EFR3B: variants seen among roughly 807,000 people sequenced by gnomAD.
The protein encoded by EFR3B is EFR3 homolog B.
EFR3B carries 64 observed loss-of-function variants against 104.7 expected under a neutral mutation model. That is an observed-to-expected ratio of 0.61 (90% CI 0.50 to 0.75). The LOEUF (loss-of-function observed/expected upper bound fraction) is 0.75, where lower values mean the gene tolerates loss of function less well. Ranked by LOEUF, EFR3B falls within the 30% of genes least tolerant of loss-of-function variation. The pLI, the probability that EFR3B is intolerant of heterozygous loss-of-function variation, is 0.00. For synonymous variants in EFR3B, 385 were observed against 417.9 expected, an observed-to-expected ratio of 0.92 and a Z score of 0.96; for missense variants, 750 against 1,078.5, an observed-to-expected ratio of 0.70 and a Z score of 4.27.
chr2:25,078,805 A>G lies in EFR3B; in HGVS notation c.8-12520A>G, dbSNP rs1472560022. Among the ~76,000 whole-genome samples, 10 of 152,332 alleles carry G rather than the reference A, an allele frequency of 6.6e-5. No individual in the cohort carries two copies. The East Asian group carries it at 1.9e-3, about 29-fold the overall frequency. ...TGCCTGTGGTCGGAGAGTGTTGTTC[A>G]TGGAAGGCTTCCAGGGAGCTCAGCA... On this transcript the variant is annotated intron_variant, in intron 1 of 22. Coordinates refer to ENST00000403714, the MANE Select transcript of EFR3B (RefSeq NM_014971.2).
chr2:25,095,144 T>C (rs567605091), intron 3 of EFR3B, among the ~76,000 whole-genome samples: 258 of 152,316 alleles, frequency 1.7e-3, no homozygotes, highest in Admixed American at 2.9e-3. Context: ...ATGTTCGTTA[T>C]CTTGTTATTT....
chr2:25,105,286 G>T (rs900890082), intron 4 of EFR3B, among the ~76,000 whole-genome samples: 1 of 152,142 alleles, frequency 6.6e-6, no homozygotes, highest in Non-Finnish European at 1.5e-5. Context: ...CCAAGTAGCT[G>T]GGATTATAGG....
At chr2:25,068,930 CT>C (rs571830012) in intron 1 of EFR3B, among the ~76,000 whole-genome samples, 1,112 of 80,990 alleles carry the variant, frequency 0.014, 11 homozygotes, top group Admixed American at 0.036. Flanking sequence ...CGCCCGGCAT[CT>C]TTTTTTTTTT....
chr2:25,138,357 C>A (rs180734120), intron 15 of EFR3B, among the ~76,000 whole-genome samples: 21 of 152,288 alleles, frequency 1.4e-4, no homozygotes, highest in African/African-American at 4.3e-4. Context: ...TGGCACCGGA[C>A]AGGGCTTGAG....
chr2:25,081,585 A>G (rs948556385), intron 1 of EFR3B: 9 of 861,832 alleles, frequency 1.0e-5, no homozygotes, highest in South Asian at 4.0e-5. Flanking sequence ...TCAACAATCC[A>G]TAACTTCCTA....
At chr2:25,126,352 C>G (rs1392834729) in intron 5 of EFR3B, among the ~76,000 whole-genome samples, 1 of 151,786 alleles carries the variant, frequency 6.6e-6, no homozygotes, top group African/African-American at 2.4e-5. Flanking sequence ...CCATACCTGG[C>G]TAATTTCTTT....
chr2:25,083,568 G>A (rs1361709277), intron 1 of EFR3B, among the ~76,000 whole-genome samples: 1 of 152,116 alleles, frequency 6.6e-6, no homozygotes, highest in African/African-American at 2.4e-5. Flanking sequence ...AGGGGTGCTT[G>A]TGGGTTCCCA....
intron 4 of EFR3B, among the ~76,000 whole-genome samples, chr2:25,113,636 C>T (rs1423117472): frequency 2.0e-5 from 3 of 149,508 alleles, no homozygotes; most frequent in Non-Finnish European, 4.4e-5. Flanking sequence ...CCACTGCACT[C>T]CAGCCTGGAC....
At position 25,131,376 on chromosome 2, in the gene EFR3B, C is replaced by T; in HGVS notation, c.858C>T (p.His286=). 3.2e-6 allele frequency: 5 copies of T among 1,550,844 alleles called. No homozygotes were observed. Among genetic ancestry groups the T allele is most frequent in the Non-Finnish European group, 3.5e-6 (4 of 1,146,800 alleles). ...TCATCTTCCTCCCGCAGCCGCAGCA[C>T]TCACACCTGGTCATCCAGCAGCTCC... ...KIIMYSIQPQ[H]SHLVIQQLLG... Residue 286 remains histidine (H), a synonymous_variant, in exon 9 of 23, where the codon CAC becomes CAT. Coordinates refer to ENST00000403714, the MANE Select transcript of EFR3B (RefSeq NM_014971.2). The surrounding 1 kb of genome is among the most constrained non-coding windows in gnomAD (Gnocchi z 7.6).
chr2:25,064,143 C>T lies in EFR3B; in HGVS notation c.7+21824C>T, dbSNP rs1047011187. Among the ~76,000 whole-genome samples the T allele has an allele frequency of 1.1e-4, 16 of 152,216 alleles. No individual in the cohort carries two copies. In the East Asian group the frequency reaches 3.1e-3, roughly 29 times the overall value. Reference sequence around the variant, plus strand: ...TTGCTTCTGAAATTTCTCTTTGGCACCGTGACCACCCTGGCCCTGGCTCTA... The same window carrying T: ...TTGCTTCTGAAATTTCTCTTTGGCATCGTGACCACCCTGGCCCTGGCTCTA... On this transcript the variant is annotated intron_variant, in intron 1 of 22. Coordinates refer to ENST00000403714, the MANE Select transcript of EFR3B (RefSeq NM_014971.2).
chr2:25,112,737 C>G (rs760017235), intron 4 of EFR3B, among the ~76,000 whole-genome samples: 10 of 152,184 alleles, frequency 6.6e-5, no homozygotes, highest in Non-Finnish European at 8.8e-5. Flanking sequence ...TCTAGTGAAG[C>G]AAAGAAGCAG....
chr2:25,067,849 T>C, intron 1 of EFR3B, among the ~76,000 whole-genome samples: 1 of 151,988 alleles, frequency 6.6e-6, no homozygotes, highest in East Asian at 1.9e-4. Flanking sequence ...TTTTTTTCTT[T>C]TGGAAAAAAA....
intron 19 of EFR3B, 139 bp from the exon 20 acceptor site, chr2:25,149,555 T>C: frequency 1.3e-6 from 1 of 786,648 alleles, no homozygotes; most frequent in Non-Finnish European, 2.1e-6. Flanking sequence ...CTGAGGGGGG[T>C]GGGGGTGTCC....
intron 1 of EFR3B, among the ~76,000 whole-genome samples, chr2:25,069,887 C>T (rs1465564477): frequency 1.3e-5 from 2 of 151,982 alleles, no homozygotes; most frequent in South Asian, 4.2e-4. Context: ...TCAGTAGAGA[C>T]GGGGTTTCAC....
At chr2:25,065,105 GCA>G (rs1010207608) in intron 1 of EFR3B, among the ~76,000 whole-genome samples, 13 of 152,042 alleles carry the variant, frequency 8.6e-5, no homozygotes, top group African/African-American at 2.4e-4. Flanking sequence ...CACCAAGGCA[GCA>G]CATCTGCCCC....
Position 25,154,157 on chromosome 2 carries a change from A to C in EFR3B, c.2349-78A>C. On this transcript the variant is annotated intron_variant, in intron 22 of 22. Coordinates refer to ENST00000403714, the MANE Select transcript of EFR3B (RefSeq NM_014971.2). This position sits in a 1 kb window ranked among gnomAD's most constrained non-coding sequence, Gnocchi z 4.1. ...GTGCAAAAAGAAACCCAAGTCACCT[A>C]CTCTGTTTGGTTGCACAAGGGTGGG... The C allele has an allele frequency of 7.5e-7, 1 of 1,328,990 alleles. No homozygotes were observed. Among genetic ancestry groups the C allele is most frequent in the Non-Finnish European group, 1.1e-6 (1 of 951,384 alleles). 82.3% of individuals were successfully genotyped at this position (1,328,990 alleles called of 1,614,324 possible).
intron 1 of EFR3B, among the ~76,000 whole-genome samples, chr2:25,043,350 A>T (rs1667625106): frequency 6.6e-6 from 1 of 152,154 alleles, no homozygotes. Context: ...GTGCGTTCCC[A>T]ATTTAACCCA....
chr2:25,106,613 ACACC>A (rs1247838373), intron 4 of EFR3B, among the ~76,000 whole-genome samples: 1 of 152,086 alleles, frequency 6.6e-6, no homozygotes, highest in African/African-American at 2.4e-5. Flanking sequence ...GCCTGCCACC[ACACC>A]CAACTAAGGG....
At chr2:25,143,697 G>T in intron 17 of EFR3B, 38 bp from the exon 18 acceptor site, 1 of 1,549,622 alleles carries the variant, frequency 6.5e-7, no homozygotes, top group Non-Finnish European at 8.7e-7. Context: ...TCTAGATACC[G>T]CGGTTCTAAC....
Sources: gnomAD v4.1 joint callset for allele counts (sites outside exome capture counted in the v4.1 genomes callset) on GRCh38, gnomAD v4.1.1 for gene constraint, Gnocchi (gnomAD v3.1) non-coding constraint, MANE v1.5 for transcripts, NCBI Gene and HGNC (gene_info 2026-07-23, HGNC 2026-07-21) for gene names.